GPC4: variants seen among roughly 807,000 people sequenced by gnomAD.
GPC4 encodes glypican-4.
Under a neutral mutation model 35.0 loss-of-function variants are expected in GPC4, and 10 were observed. That is an observed-to-expected ratio of 0.29 (90% CI 0.18 to 0.48). GPC4 has a LOEUF of 0.48. GPC4 is among the 20% of genes least tolerant of loss of function. GPC4 has a pLI of 0.99. For synonymous variants in GPC4, 167 were observed against 170.2 expected (o/e 0.98, Z 0.15); for missense variants, 322 against 451.3 (o/e 0.71, Z 2.60).
rs1179571354 is a variant in GPC4 at position 133,324,604 on chromosome X, C to T, written c.320-68G>A. On this transcript the variant is annotated intron_variant, in intron 2 of 8. Coordinates refer to ENST00000370828, the MANE Select transcript of GPC4 (RefSeq NM_001448.3). ...AGAGTTTTCAGTGTTTAAATAACTG[C>T]TTTTCCAGTAAATTTGAAAACTGGA... is the stretch of plus-strand genomic sequence containing the variant. 3.9e-5 allele frequency: 38 copies of T among 964,406 alleles called. No individual in the cohort carries two copies. The African/African-American group carries it at 7.3e-4, about 18-fold the overall frequency. 79.5% of individuals were successfully genotyped at this position (964,406 alleles called of 1,213,427 possible).
At chrX:133,402,896 T>A (rs1603098620) in intron 1 of GPC4, among the ~76,000 whole-genome samples, 1 of 77,931 alleles carries the variant, frequency 1.3e-5, no homozygotes, top group African/African-American at 5.4e-5. Flanking sequence ...AGAGTGAAAC[T>A]ACGTCTCAAA....
chrX:133,353,747 A>G (rs1386970346), intron 1 of GPC4, among the ~76,000 whole-genome samples: 3 of 111,120 alleles, frequency 2.7e-5, no homozygotes, highest in African/African-American at 9.8e-5. Flanking sequence ...AATGGGTCAA[A>G]GGAGAAAGGG....
At position 133,414,818 on chromosome X, in the gene GPC4, G is replaced by A. The variant is rs1569359236; in HGVS notation, c.148C>T (p.His50Tyr). The stretch of plus-strand genomic sequence containing the variant: ...TGTGCCCACCTACCGTTGATCTCGT[G>A]GAGGGGGGCATCGTTCTTGTTGAAG... Reference protein sequence around the residue: ...KGFNKNDAPLHEINGDHLKIC... With the variant: ...KGFNKNDAPLYEINGDHLKIC... Residue 50 changes from histidine to tyrosine, a missense_variant, in exon 1 of 9, where the codon CAC becomes TAC. By Grantham distance (83) the His-to-Tyr change is moderately conservative (BLOSUM62 2). Around this residue, in one of 3 missense-constraint regions of GPC4, gnomAD observed 60 missense variants for 64.1 expected, o/e 0.94. Transcript: ENST00000370828. The A allele has an allele frequency of 8.3e-7, 1 of 1,211,646 alleles. No individual in the cohort carries two copies. Among genetic ancestry groups the A allele is most frequent in the Non-Finnish European group, 1.1e-6 (1 of 895,238 alleles).
chrX:133,364,054 G>C (rs2068580325), intron 1 of GPC4, among the ~76,000 whole-genome samples: 1 of 111,790 alleles, frequency 8.9e-6, no homozygotes, highest in Non-Finnish European at 1.9e-5. Context: ...CATTTCATGG[G>C]TATGCCACAT....
intron 1 of GPC4, among the ~76,000 whole-genome samples, chrX:133,353,344 A>C (rs2068525159): frequency 8.9e-6 from 1 of 112,106 alleles, no homozygotes; most frequent in African/African-American, 3.2e-5. Context: ...GTTACTATAC[A>C]ATGTAATGCC....
chrX:133,388,478 A>T (rs746031594), intron 1 of GPC4, among the ~76,000 whole-genome samples: 1 of 111,893 alleles, frequency 8.9e-6, no homozygotes, highest in Non-Finnish European at 1.9e-5. Context: ...ACAAGATATA[A>T]TGCCTGACGG....
At chrX:133,361,075 G>T (rs1367813874) in intron 1 of GPC4, among the ~76,000 whole-genome samples, 1 of 111,915 alleles carries the variant, frequency 8.9e-6, no homozygotes, top group Non-Finnish European at 1.9e-5. Flanking sequence ...AGATAACTAA[G>T]ACATTATTTT....
At chrX:133,344,296 G>A (rs2124137933) in intron 1 of GPC4, among the ~76,000 whole-genome samples, 1 of 85,458 alleles carries the variant, frequency 1.2e-5, no homozygotes, top group East Asian at 4.1e-4. Flanking sequence ...CGTGATCTCA[G>A]CTCACCGCAA....
intron 1 of GPC4, among the ~76,000 whole-genome samples, chrX:133,401,661 C>T (rs1331333254): frequency 8.9e-6 from 1 of 111,841 alleles, no homozygotes; most frequent in East Asian, 2.8e-4. Context: ...CTTAATAATC[C>T]ATTGACCTCA....
intron 1 of GPC4, among the ~76,000 whole-genome samples, chrX:133,363,862 G>A (rs2068579279): frequency 9.0e-6 from 1 of 111,029 alleles, no homozygotes; most frequent in East Asian, 2.8e-4. Flanking sequence ...ACCAGCCCTG[G>A]GCAAGCATAA....
chrX:133,395,911 T>G lies in GPC4; in HGVS notation c.160+18895A>C. On this transcript the variant is annotated intron_variant, in intron 1 of 8. Coordinates refer to ENST00000370828, the MANE Select transcript of GPC4 (RefSeq NM_001448.3). ...ACAAATATTAGGAAAAGAAGAGAGA[T>G]ATGAGATGAGAAAGGACAGGTCAAG... 1.8e-5 allele frequency among the ~76,000 whole-genome samples: 2 copies of G among 111,412 alleles called. 1 individual carries two copies. The highest frequency in any genetic ancestry group is 9.3e-3 in the Middle Eastern group (2 of 216).
intron 1 of GPC4, among the ~76,000 whole-genome samples, chrX:133,402,062 T>C (rs1380308347): frequency 8.9e-6 from 1 of 112,349 alleles, no homozygotes; most frequent in Non-Finnish European, 1.9e-5. Context: ...ATGTAATGAC[T>C]GCTTACTCTG....
At chrX:133,321,186 T>C (rs1183011988) in intron 3 of GPC4, among the ~76,000 whole-genome samples, 1 of 112,292 alleles carries the variant, frequency 8.9e-6, no homozygotes, top group Non-Finnish European at 1.9e-5. Context: ...GAGAACGACG[T>C]CCAGAAGAAT....
chrX:133,408,720 G>A (rs953638461), intron 1 of GPC4, among the ~76,000 whole-genome samples: 2 of 110,788 alleles, frequency 1.8e-5, no homozygotes, highest in African/African-American at 6.6e-5. Context: ...CAACAAGAGC[G>A]AAACTCTGTT....
At chrX:133,351,254 A>G (rs956963045) in intron 1 of GPC4, among the ~76,000 whole-genome samples, 1 of 110,841 alleles carries the variant, frequency 9.0e-6, no homozygotes, top group Admixed American at 9.6e-5. Flanking sequence ...TTTATCCCTT[A>G]CCCTTTGTTT....
chrX:133,340,230 C>T (rs1170271814), intron 1 of GPC4, among the ~76,000 whole-genome samples: 2 of 110,399 alleles, frequency 1.8e-5, no homozygotes, highest in East Asian at 5.7e-4. Context: ...AGTTCCCCCC[C>T]TTGTTCTCCT....
intron 3 of GPC4, among the ~76,000 whole-genome samples, chrX:133,323,153 A>G (rs1260612710): frequency 2.7e-5 from 3 of 111,513 alleles, no homozygotes; most frequent in East Asian, 2.8e-4. Context: ...CTTCTGCTCA[A>G]TGAGGCCCCT....
chrX:133,334,304 C>A (rs779223119), intron 2 of GPC4, among the ~76,000 whole-genome samples: 5 of 111,904 alleles, frequency 4.5e-5, no homozygotes, highest in Non-Finnish European at 9.4e-5. Flanking sequence ...GGCCTTAGGG[C>A]TTAAGGGAAG....
At chrX:133,409,510 T>G (rs2068804298) in intron 1 of GPC4, among the ~76,000 whole-genome samples, 1 of 110,717 alleles carries the variant, frequency 9.0e-6, no homozygotes, top group African/African-American at 3.3e-5. Context: ...AATATTGCAC[T>G]GACCTACCAC....
Sources: allele counts gnomAD v4.1 joint callset (sites outside exome capture counted in the v4.1 genomes callset), GRCh38; gene constraint gnomAD v4.1.1; regional missense constraint gnomAD v4.1.1; transcripts MANE v1.5; gene names NCBI Gene and HGNC (gene_info 2026-07-23, HGNC 2026-07-21).